The following KCNC2 variants were observed in gnomAD, a reference collection of about 807,000 sequenced individuals.
KCNC2 encodes the protein voltage-gated potassium channel KCNC2.
A neutral mutation model predicts 44.5 loss-of-function variants in KCNC2; 21 were observed. The observed-to-expected ratio is 0.47, with a 90% CI of 0.33 to 0.68. The LOEUF is 0.68. Ranked by LOEUF, KCNC2 falls within the 30% of genes least tolerant of loss-of-function variation. KCNC2 has a pLI of 0.01. For missense variants in KCNC2, 589 were observed against 826.2 expected (o/e 0.71, Z 3.52); for synonymous variants, 391 against 339.1 (o/e 1.15, Z -1.68).
At position 75,082,580 on chromosome 12, in the gene KCNC2, G is replaced by C. The variant is rs1342124054; in HGVS notation, c.688-31263C>G. Among the ~76,000 whole-genome samples, 12 of 147,912 alleles carry C rather than the reference G, an allele frequency of 8.1e-5. No homozygotes were observed. The East Asian group carries it at 2.2e-3, about 27-fold the overall frequency. On this transcript the variant is annotated intron_variant, in intron 2 of 4. Coordinates refer to ENST00000549446, the MANE Select transcript of KCNC2 (RefSeq NM_139137.4). The stretch of plus-strand genomic sequence containing the variant: ...ATCATGGATAATGTTGAAAAAGTTA[G>C]CTATAAAAATGTCCACTGCAGTGCT...
chr12:75,207,727 C>A lies in KCNC2; in HGVS notation c.257G>T (p.Ser86Ile). Reference protein sequence around the residue: ...GCFEGGAGNCSSRGGRASDHP... With the variant: ...GCFEGGAGNCISRGGRASDHP... ...GTCGCTGGCCCTGCCGCCGCGGGAA[C>A]TGCAGTTGCCCGCGCCGCCCTCGAA... Residue 86 changes from serine (S) to isoleucine (I), a missense_variant, in exon 2 of 5, where the codon AGT (serine) becomes ATT (isoleucine). Transcript: ENST00000549446. The surrounding 1 kb of genome is among the most constrained non-coding windows in gnomAD (Gnocchi z 4.1). 1.3e-6 allele frequency: 2 copies of A among 1,572,286 alleles called. No individual in the cohort carries two copies. Among genetic ancestry groups the A allele is most frequent in the Admixed American group, 3.7e-5 (2 of 53,986 alleles).
At chr12:75,177,569 G>A (rs1451530609) in intron 2 of KCNC2, among the ~76,000 whole-genome samples, 3 of 151,896 alleles carry the variant, frequency 2.0e-5, no homozygotes, top group Non-Finnish European at 4.4e-5. Context: ...TCAGCAAGTG[G>A]CCAGTTCATT....
intron 2 of KCNC2, among the ~76,000 whole-genome samples, chr12:75,117,940 A>G (rs12304330): frequency 0.24 from 36,706 of 152,024 alleles, 5,836 homozygotes; most frequent in African/African-American, 0.44. Flanking sequence ...CTGGAGTTGT[A>G]CAACTCAGTC....
chr12:75,193,665 A>G (rs1417746114), intron 2 of KCNC2, among the ~76,000 whole-genome samples: 2 of 152,288 alleles, frequency 1.3e-5, no homozygotes, highest in East Asian at 3.9e-4. Context: ...GAAAAAGGAA[A>G]GGTAACCCCA....
intron 2 of KCNC2, among the ~76,000 whole-genome samples, chr12:75,052,125 C>T (rs1881244834): frequency 6.6e-6 from 1 of 152,068 alleles, no homozygotes; most frequent in Admixed American, 6.6e-5. Context: ...AAAAAAAGCA[C>T]TCATATAGTT....
intron 2 of KCNC2, among the ~76,000 whole-genome samples, chr12:75,160,557 A>G (rs935327740): frequency 6.6e-6 from 1 of 151,842 alleles, no homozygotes; most frequent in Non-Finnish European, 1.5e-5. Flanking sequence ...TACTTTCTAT[A>G]CCACAGTACT....
intron 2 of KCNC2, among the ~76,000 whole-genome samples, chr12:75,092,967 C>T (rs908042222): frequency 1.1e-4 from 17 of 149,732 alleles, no homozygotes; most frequent in African/African-American, 4.2e-4. Context: ...ATGACTATGA[C>T]ATTAAAATGC....
chr12:75,124,886 C>T (rs1432639251), intron 2 of KCNC2: 5 of 152,118 alleles, frequency 3.3e-5, no homozygotes, highest in African/African-American at 1.2e-4. Context: ...GGGTGGATCA[C>T]GAGGTCAGGA....
At chr12:75,054,767 A>G (rs1159795208) in intron 2 of KCNC2, among the ~76,000 whole-genome samples, 1 of 152,144 alleles carries the variant, frequency 6.6e-6, no homozygotes, top group Non-Finnish European at 1.5e-5. Context: ...GGAGATACTG[A>G]GAAGGTACAG....
chr12:75,115,025 G>A (rs1380570930), intron 2 of KCNC2, among the ~76,000 whole-genome samples: 3 of 151,706 alleles, frequency 2.0e-5, no homozygotes, highest in African/African-American at 4.8e-5. Context: ...CACCACGCCC[G>A]GCTAATTTTT....
chr12:75,048,995 T>C (rs1032221212), intron 3 of KCNC2, among the ~76,000 whole-genome samples: 1 of 152,114 alleles, frequency 6.6e-6, no homozygotes, highest in African/African-American at 2.4e-5. Context: ...CCTGGGATGA[T>C]AGTGTGTCCT....
intron 2 of KCNC2, among the ~76,000 whole-genome samples, chr12:75,087,394 G>T (rs895300557): frequency 6.6e-6 from 1 of 151,954 alleles, no homozygotes; most frequent in African/African-American, 2.4e-5. Context: ...TTTGGCTATC[G>T]TTTTAGATAA....
chr12:75,064,305 C>T (rs1157775375), intron 2 of KCNC2, among the ~76,000 whole-genome samples: 2 of 151,960 alleles, frequency 1.3e-5, no homozygotes, highest in East Asian at 1.9e-4. Flanking sequence ...ATTCTAAAGC[C>T]AAAATCTCCC....
At chr12:75,179,926 T>G (rs1263595805) in intron 2 of KCNC2, among the ~76,000 whole-genome samples, 4 of 151,786 alleles carry the variant, frequency 2.6e-5, no homozygotes, top group Non-Finnish European at 4.4e-5. Context: ...TTGCACTGTA[T>G]CTTAATCATC....
chr12:75,165,054 G>A (rs1343249876), intron 2 of KCNC2, among the ~76,000 whole-genome samples: 1 of 151,526 alleles, frequency 6.6e-6, no homozygotes, highest in East Asian at 2.0e-4. Flanking sequence ...GATGTCAAGA[G>A]AGTGATCACC....
intron 2 of KCNC2, among the ~76,000 whole-genome samples, chr12:75,163,120 G>T (rs1289603530): frequency 6.6e-6 from 1 of 151,734 alleles, no homozygotes; most frequent in Non-Finnish European, 1.5e-5. Context: ...CAGTAATACC[G>T]CTTCCCAGCA....
chr12:75,102,708 T>C (rs1565856562), intron 2 of KCNC2, among the ~76,000 whole-genome samples: 1 of 152,020 alleles, frequency 6.6e-6, no homozygotes, highest in Non-Finnish European at 1.5e-5. Flanking sequence ...AGTTGTGCCT[T>C]AATGGAGCTA....
At position 75,053,381 on chromosome 12, in the gene KCNC2, A is replaced by ATG. The variant is rs1447190699; in HGVS notation, c.688-2066_688-2065dup. ...AGCTCACTACCTCCTTAGTAATGGG[A>ATG]TGTGTGTGTGCGTGTGTGTTTGTGT... On this transcript the variant is annotated intron_variant, in intron 2 of 4. Transcript: ENST00000549446. 2.3e-4 allele frequency among the ~76,000 whole-genome samples: 34 copies of ATG among 150,804 alleles called. No individual in the cohort carries two copies. The South Asian group carries it at 2.5e-3, about 11-fold the overall frequency.
At chr12:75,097,705 T>C (rs201355618) in intron 2 of KCNC2, among the ~76,000 whole-genome samples, 2 of 152,150 alleles carry the variant, frequency 1.3e-5, no homozygotes, top group East Asian at 1.9e-4. Context: ...ACATATACCA[T>C]GATTTTTAAG....
Sources: gnomAD v4.1 joint callset for allele counts (sites outside exome capture counted in the v4.1 genomes callset) on GRCh38, gnomAD v4.1.1 for gene constraint, Gnocchi (gnomAD v3.1) non-coding constraint, MANE v1.5 for transcripts, NCBI Gene and HGNC (gene_info 2026-07-23, HGNC 2026-07-21) for gene names.